The following ZNF385D variants were observed in gnomAD, a reference collection of about 807,000 sequenced individuals.
ZNF385D encodes zinc finger protein 659.
Under a neutral mutation model 35.8 loss-of-function variants are expected in ZNF385D, and 15 were observed. The ratio of observed to expected loss-of-function variants is 0.42; its 90% CI spans 0.28 to 0.64. ZNF385D has a LOEUF of 0.64. Among genes scored for constraint, ZNF385D ranks in the 30% least tolerant of loss-of-function variants. The probability of loss-of-function intolerance (pLI) is 0.23; values close to 1 mark genes in which losing one functional copy is unlikely to be tolerated. For missense variants in ZNF385D, 474 were observed against 494.6 expected (o/e 0.96, Z 0.39); for synonymous variants, 212 against 186.8 (o/e 1.13, Z -1.10).
chr3:21,533,559 A>T (rs1464853356), intron 3 of ZNF385D, among the ~76,000 whole-genome samples: 1 of 152,070 alleles, frequency 6.6e-6, no homozygotes, highest in African/African-American at 2.4e-5. Flanking sequence ...ATGACTCAAA[A>T]TGCCAGCTGT....
Position 21,727,869 on chromosome 3 carries a change from G to A in ZNF385D, c.22+23026C>T, listed in dbSNP as rs566853743. Among the ~76,000 whole-genome samples the A allele has an allele frequency of 3.3e-5, 5 of 152,230 alleles. No individual in the cohort carries two copies. The South Asian group carries it at 1.0e-3, about 32-fold the overall frequency. On this transcript the variant is annotated intron_variant, in intron 1 of 7. Coordinates refer to ENST00000281523, the MANE Select transcript of ZNF385D (RefSeq NM_024697.3). ...ACTATAAAGACACAAGCACACATAT[G>A]TTTACTGTGGCACTATTCACAATAG...
chr3:21,652,167 T>C (rs2065934902), intron 2 of ZNF385D, among the ~76,000 whole-genome samples: 1 of 152,246 alleles, frequency 6.6e-6, no homozygotes, highest in South Asian at 2.1e-4. Context: ...GTTGCCAATC[T>C]ATCTTCATAA....
At chr3:21,771,584 G>C (rs1389182901) in intron 3 of ZNF385D, among the ~76,000 whole-genome samples, 2 of 151,748 alleles carry the variant, frequency 1.3e-5, no homozygotes. Flanking sequence ...TGCTCGAACA[G>C]TTGAAGAAAG....
At chr3:22,129,061 C>G (rs918651969) in intron 3 of ZNF385D, among the ~76,000 whole-genome samples, 5 of 152,190 alleles carry the variant, frequency 3.3e-5, no homozygotes, top group Non-Finnish European at 4.4e-5. Flanking sequence ...CTATGCCCAG[C>G]AACTCTAAGA....
At chr3:22,145,554 A>G (rs1302187808) in intron 3 of ZNF385D, among the ~76,000 whole-genome samples, 1 of 152,176 alleles carries the variant, frequency 6.6e-6, no homozygotes, top group Non-Finnish European at 1.5e-5. Flanking sequence ...ATCCCTGACC[A>G]TGTGGCATTT....
chr3:22,048,565 A>G (rs1306232074), intron 3 of ZNF385D, among the ~76,000 whole-genome samples: 1 of 152,128 alleles, frequency 6.6e-6, no homozygotes, highest in African/African-American at 2.4e-5. Flanking sequence ...AAATACATGA[A>G]TTTATTTCTG....
chr3:21,667,691 G>A (rs1368209937), intron 1 of ZNF385D, among the ~76,000 whole-genome samples: 1 of 152,118 alleles, frequency 6.6e-6, no homozygotes, highest in Non-Finnish European at 1.5e-5. Context: ...TTCTACAATT[G>A]TTTATTTTAA....
chr3:22,323,221 A>G (rs956007842), intron 2 of ZNF385D, among the ~76,000 whole-genome samples: 2 of 152,208 alleles, frequency 1.3e-5, no homozygotes, highest in African/African-American at 2.4e-5. Context: ...CAGGGCCACA[A>G]GTTTCAGTGG....
At chr3:21,711,039 GTTTTTT>G (rs869252663) in intron 1 of ZNF385D, among the ~76,000 whole-genome samples, 2 of 83,152 alleles carry the variant, frequency 2.4e-5, no homozygotes, top group African/African-American at 1.0e-4. Context: ...CCCTCTAAAA[GTTTTTT>G]TTTTTTTTTT....
intron 3 of ZNF385D, among the ~76,000 whole-genome samples, chr3:22,158,713 G>A (rs1705750628): frequency 6.6e-6 from 1 of 151,782 alleles, no homozygotes; most frequent in African/African-American, 2.4e-5. Flanking sequence ...ATTGCTTAGT[G>A]TTTCTGAGAA....
At chr3:21,596,384 T>G (rs2064128231) in intron 2 of ZNF385D, among the ~76,000 whole-genome samples, 1 of 152,128 alleles carries the variant, frequency 6.6e-6, no homozygotes, top group African/African-American at 2.4e-5. Context: ...TCTTCAGAGA[T>G]TCCGAGTCTC....
At chr3:21,977,702 TG>T (rs1447523080) in intron 3 of ZNF385D, among the ~76,000 whole-genome samples, 1 of 151,704 alleles carries the variant, frequency 6.6e-6, no homozygotes. Flanking sequence ...GCTGGCATGG[TG>T]GGGCTGTCTA....
intron 3 of ZNF385D, among the ~76,000 whole-genome samples, chr3:21,969,300 G>A (rs966814902): frequency 1.3e-5 from 2 of 152,064 alleles, no homozygotes; most frequent in African/African-American, 4.8e-5. Flanking sequence ...GAAAGACCAG[G>A]TGGAGGTAAT....
chr3:22,336,772 G>C (rs939847366), intron 2 of ZNF385D, among the ~76,000 whole-genome samples: 2 of 151,528 alleles, frequency 1.3e-5, no homozygotes, highest in Non-Finnish European at 2.9e-5. Flanking sequence ...ATGTGGGTTA[G>C]TAATCTTAAA....
In ZNF385D at chr3:21,993,937, T is replaced by C. The variant is rs188326871; in HGVS notation, c.325+174880A>G. ...CCAAGCATTCATCATGTCCCCTCAA[T>C]TAAGTTACTGGATTTTAAGGTGCCC... On this transcript the variant is annotated intron_variant, in intron 3 of 5. Transcript: ENST00000494108. Among the ~76,000 whole-genome samples, 351 of 152,296 alleles carry C rather than the reference T, an allele frequency of 2.3e-3. 7 individuals are homozygous for C. Among genetic ancestry groups the C allele is most frequent in the Admixed American group, 0.021 (317 of 15,296 alleles).
intron 1 of ZNF385D, among the ~76,000 whole-genome samples, chr3:21,737,347 G>C (rs1019830211): frequency 6.6e-5 from 10 of 152,008 alleles, no homozygotes; most frequent in African/African-American, 2.2e-4. Flanking sequence ...TAAATCATTA[G>C]ATACCATGTA....
chr3:21,430,378 A>C (rs1290381563), intron 5 of ZNF385D, among the ~76,000 whole-genome samples: 3 of 152,168 alleles, frequency 2.0e-5, no homozygotes, highest in African/African-American at 2.4e-5. Context: ...AACAGAGGAA[A>C]AAATAAGCAT....
chr3:21,437,346 C>A (rs1238943211), intron 4 of ZNF385D, 143 bp from the exon 5 acceptor site: 2 of 674,772 alleles, frequency 3.0e-6, no homozygotes, highest in Admixed American at 3.6e-5. Context: ...GCATCAATCA[C>A]CTCACAAAAA....
chr3:22,022,490 C>A (rs369686113), intron 3 of ZNF385D, among the ~76,000 whole-genome samples: 12 of 152,194 alleles, frequency 7.9e-5, no homozygotes, highest in Admixed American at 6.5e-4. Flanking sequence ...ACATACCACT[C>A]TATGATCCTA....
Sources: allele counts gnomAD v4.1 joint callset (sites outside exome capture counted in the v4.1 genomes callset), GRCh38; gene constraint gnomAD v4.1.1; transcripts MANE v1.5; gene names NCBI Gene and HGNC (gene_info 2026-07-23, HGNC 2026-07-21).